Variants in KCNQ1 observed in about 807,000 individuals in gnomAD.
KCNQ1 encodes potassium voltage-gated channel subfamily KQT member 1.
KCNQ1 carries 49 observed loss-of-function variants against 72.4 expected under a neutral mutation model. The observed-to-expected ratio is 0.68, with a 90% CI of 0.54 to 0.86. The LOEUF is 0.86. KCNQ1 is among the 40% of genes least tolerant of loss of function. The pLI, the probability that KCNQ1 is intolerant of heterozygous loss-of-function variation, is 0.00. For synonymous variants in KCNQ1, 450 were observed against 412.6 expected (o/e 1.09, Z -1.10); for missense variants, 790 against 945.1 (o/e 0.84, Z 2.15).
rs952915305 is a variant in KCNQ1, at chr11:2,662,344, C to T, written c.1514+263C>T. On this transcript the variant is annotated intron_variant, in intron 11 of 15. Coordinates refer to ENST00000155840, the MANE Select transcript of KCNQ1 (RefSeq NM_000218.3). The stretch of plus-strand genomic sequence containing the variant: ...TGATCATTTTCCACTTGTTTTCATG[C>T]TTTGAGAGTCTGAGATTGTTTTTCT... The T allele has an allele frequency of 8.8e-6, 5 of 567,208 alleles. No homozygotes were observed. In the African/African-American group the frequency reaches 9.4e-5, roughly 11 times the overall value. 35.1% of individuals were successfully genotyped at this position (567,208 alleles called of 1,614,324 possible).
rs773642900 is a variant in KCNQ1 at position 2,712,944 on chromosome 11, C to T, written c.1514+50863C>T. Among the ~76,000 whole-genome samples, 1 of 152,108 alleles carries T rather than the reference C, an allele frequency of 6.6e-6. No individual in the cohort carries two copies. The highest frequency in any genetic ancestry group is 1.5e-5 in the Non-Finnish European group (1 of 68,004). On this transcript the variant is annotated intron_variant, in intron 11 of 15. Transcript: ENST00000155840. The surrounding 1 kb of genome is among the most constrained non-coding windows in gnomAD (Gnocchi z 6.4). ...AGCAAGATCAGCTCCCTGGAAGACA[C>T]CCGGGTTGTAAACAGGGTGGGGCAG...
At chr11:2,680,447 T>C in intron 11 of KCNQ1, 1 of 398,554 alleles carries the variant, frequency 2.5e-6, no homozygotes, top group South Asian at 1.3e-4. Flanking sequence ...AATTCATTTC[T>C]GGGTATTTTT....
At position 2,810,974 on chromosome 11, in the gene KCNQ1, G is replaced by A. The variant is rs138508206; in HGVS notation, c.1794+32937G>A. Among the ~76,000 whole-genome samples the A allele has an allele frequency of 1.7e-4, 26 of 152,368 alleles. No individual in the cohort carries two copies. In the East Asian group the frequency reaches 2.3e-3, roughly 14 times the overall value. ...ATCGTCTTGGTGCTGTGGGCCTGATGTGTGCCTCCACAAGGACTCCCGCCT... is the reference window on the plus strand; with the variant it reads ...ATCGTCTTGGTGCTGTGGGCCTGATATGTGCCTCCACAAGGACTCCCGCCT... On this transcript the variant is annotated intron_variant, in intron 15 of 15. Coordinates refer to ENST00000155840, the MANE Select transcript of KCNQ1 (RefSeq NM_000218.3).
In KCNQ1 at chr11:2,664,071, T is replaced by C. The variant is rs191690292; in HGVS notation, c.1514+1990T>C. The C allele has an allele frequency of 1.8e-5, 7 of 398,760 alleles. No individual in the cohort carries two copies. The highest frequency in any genetic ancestry group is 8.8e-5 in the Admixed American group (2 of 22,738). 24.7% of individuals were successfully genotyped at this position (398,760 alleles called of 1,614,324 possible). On this transcript the variant is annotated intron_variant, in intron 11 of 15. Coordinates refer to ENST00000155840, the MANE Select transcript of KCNQ1 (RefSeq NM_000218.3). This position sits in a 1 kb window ranked among gnomAD's most constrained non-coding sequence, Gnocchi z 5.1. ...CACTCCCATGGCCTCCAGTGATAAG[T>C]GGGCCCAGGCAGGTCAGAGACTCCA... is the stretch of plus-strand genomic sequence containing the variant.
At chr11:2,589,684 C>G (rs546182788) in intron 10 of KCNQ1, among the ~76,000 whole-genome samples, 1 of 152,156 alleles carries the variant, frequency 6.6e-6, no homozygotes, top group African/African-American at 2.4e-5. Flanking sequence ...TGGTTGTGGC[C>G]CCCCCATGCC....
In KCNQ1 at chr11:2,830,027, A is replaced by AAGGAGGAGGGAGGAGGG. The variant is rs1847913740; in HGVS notation, c.1795-17724_1795-17723insGAGGAGGAGGGAGGAGG. ...GGAGGAAGGAGGAGGAAGGAGGAGG[A>AAGGAGGAGGGAGGAGGG]AGGAGGAGGGAGGAGGAAGGAGGAG... is the stretch of plus-strand genomic sequence containing the variant. On this transcript the variant is annotated intron_variant, in intron 15 of 15. Transcript: ENST00000155840. The surrounding 1 kb of genome is among the most constrained non-coding windows in gnomAD (Gnocchi z 7.7). Among the ~76,000 whole-genome samples the AAGGAGGAGGGAGGAGGG allele has an allele frequency of 1.2e-5, 1 of 83,966 alleles. No individual in the cohort carries two copies. The highest frequency in any genetic ancestry group is 4.2e-5 in the African/African-American group (1 of 23,980). The allele number at this position is 83,966 out of a possible 152,430, so 55.1% of individuals were successfully genotyped here. A position where few individuals can be genotyped will look rare whatever the true frequency, so the allele number is the denominator to read the frequency against.
intron 1 of KCNQ1, among the ~76,000 whole-genome samples, chr11:2,480,646 G>A (rs1285980497): frequency 6.6e-6 from 1 of 152,348 alleles, no homozygotes; most frequent in East Asian, 1.9e-4. Flanking sequence ...CCATATCAGA[G>A]TTGAATCCTG....
intron 1 of KCNQ1, among the ~76,000 whole-genome samples, chr11:2,476,570 G>A (rs1276989830): frequency 2.6e-5 from 4 of 152,114 alleles, no homozygotes; most frequent in African/African-American, 9.7e-5. Flanking sequence ...TTTTTGGGAG[G>A]TGATTCTTGG....
chr11:2,461,320 A>C, intron 1 of KCNQ1: 1 of 861,652 alleles, frequency 1.2e-6, no homozygotes, highest in Non-Finnish European at 1.6e-6. Context: ...GCAGATTTGT[A>C]GTCTGGTTGC....
At chr11:2,522,545 G>C (rs548569880) in intron 1 of KCNQ1, among the ~76,000 whole-genome samples, 6 of 152,224 alleles carry the variant, frequency 3.9e-5, no homozygotes, top group Non-Finnish European at 7.3e-5. Flanking sequence ...AGCTCCGCCC[G>C]AGACAAGAAT....
intron 11 of KCNQ1, among the ~76,000 whole-genome samples, chr11:2,706,441 G>T (rs1850912862): frequency 6.6e-6 from 1 of 152,210 alleles, no homozygotes; most frequent in African/African-American, 2.4e-5. Context: ...CAGCAGCCCT[G>T]GTCTACACCT....
chr11:2,681,814 A>G (rs1850403253), intron 11 of KCNQ1: 1 of 398,384 alleles, frequency 2.5e-6, no homozygotes, highest in South Asian at 1.3e-4. Flanking sequence ...TTCTCAGGTT[A>G]TGGTCATATC....
intron 10 of KCNQ1, chr11:2,610,978 T>C (rs1848971912): frequency 5.0e-6 from 2 of 398,374 alleles, no homozygotes; most frequent in Non-Finnish European, 8.8e-6. Flanking sequence ...CAAGAGTTAG[T>C]ACTATTATTG....
intron 1 of KCNQ1, among the ~76,000 whole-genome samples, chr11:2,487,170 A>T (rs917129436): frequency 4.6e-5 from 7 of 152,186 alleles, no homozygotes; most frequent in African/African-American, 1.4e-4. Flanking sequence ...CCTAGTCAAA[A>T]ATCATTTAAC....
chr11:2,485,118 T>C (rs1846720796), intron 1 of KCNQ1, among the ~76,000 whole-genome samples: 1 of 152,220 alleles, frequency 6.6e-6, no homozygotes, highest in Non-Finnish European at 1.5e-5. Flanking sequence ...CTTTGAGTAT[T>C]TCTTTACTTC....
At chr11:2,837,736 G>A (rs1351696390) in intron 15 of KCNQ1, among the ~76,000 whole-genome samples, 1 of 152,256 alleles carries the variant, frequency 6.6e-6, no homozygotes, top group Non-Finnish European at 1.5e-5. Flanking sequence ...AGGCTAAGGA[G>A]AGGGGTGGAT....
At chr11:2,791,659 T>TGGACC (rs1445284906) in intron 15 of KCNQ1, among the ~76,000 whole-genome samples, 3 of 149,456 alleles carry the variant, frequency 2.0e-5, no homozygotes, top group Non-Finnish European at 4.5e-5. Flanking sequence ...CCGTCAGGTG[T>TGGACC]GGACCCCGAG....
Position 2,595,605 on chromosome 11 carries a change from G to C in KCNQ1, c.1393+6751G>C, listed in dbSNP as rs7123946. ...TACTGAATATGTTGAGCCCATTTTC[G>C]AGACCTATTGCTCAGACAAAAAGAT... On this transcript the variant is annotated intron_variant, in intron 10 of 15. Transcript: ENST00000155840. The surrounding 1 kb of genome is among the most constrained non-coding windows in gnomAD (Gnocchi z 5.0). Among the ~76,000 whole-genome samples the C allele has an allele frequency of 0.051, 7,763 of 152,122 alleles. 667 individuals carry two copies. Among genetic ancestry groups the C allele is most frequent in the African/African-American group, 0.18 (7,321 of 41,456 alleles).
At position 2,668,148 on chromosome 11, in the gene KCNQ1, G is replaced by C. The variant is rs1242133047; in HGVS notation, c.1514+6067G>C. The C allele has an allele frequency of 2.5e-6, 1 of 398,550 alleles. No homozygotes were observed. Among genetic ancestry groups the C allele is most frequent in the African/African-American group, 2.1e-5 (1 of 48,642 alleles). 24.7% of individuals were successfully genotyped at this position (398,550 alleles called of 1,614,324 possible). A position where few individuals can be genotyped will look rare whatever the true frequency, so the allele number is the denominator to read the frequency against. ...CAGCCTCTCTATGGGGCTGAAGGGA[G>C]AGTGCTCCCTCATGCTCCTTGCTGA... On this transcript the variant is annotated intron_variant, in intron 11 of 15. Coordinates refer to ENST00000155840, the MANE Select transcript of KCNQ1 (RefSeq NM_000218.3). This position sits in a 1 kb window ranked among gnomAD's most constrained non-coding sequence, Gnocchi z 4.3.
Sources: gnomAD v4.1 joint callset for allele counts (sites outside exome capture counted in the v4.1 genomes callset) on GRCh38, gnomAD v4.1.1 for gene constraint, Gnocchi (gnomAD v3.1) non-coding constraint, MANE v1.5 for transcripts, NCBI Gene and HGNC (gene_info 2026-07-23, HGNC 2026-07-21) for gene names.